Variants in PCSK5 observed in about 807,000 individuals in gnomAD.
PCSK5 encodes prohormone convertase 5.
A neutral mutation model predicts 233.2 loss-of-function variants in PCSK5; 129 were observed. The observed-to-expected ratio is 0.55, with a 90% CI of 0.48 to 0.64. PCSK5 has a LOEUF of 0.64. PCSK5 is among the 30% of genes least tolerant of loss of function. The probability of loss-of-function intolerance (pLI) is 0.00; values close to 1 mark genes in which losing one functional copy is unlikely to be tolerated. For synonymous variants in PCSK5, 825 were observed against 879.2 expected, an observed-to-expected ratio of 0.94 and a Z score of 1.09; for missense variants, 2,076 against 2,430.1, an observed-to-expected ratio of 0.85 and a Z score of 3.06.
At chr9:75,905,470 T>C (rs945318223) in intron 1 of PCSK5, among the ~76,000 whole-genome samples, 47 of 152,222 alleles carry the variant, frequency 3.1e-4, no homozygotes, top group Non-Finnish European at 4.6e-4. Flanking sequence ...GTAAGCGTAA[T>C]GGTGCCACTG....
intron 2 of PCSK5, among the ~76,000 whole-genome samples, chr9:75,959,788 A>C (rs1825261991): frequency 6.6e-6 from 1 of 152,224 alleles, no homozygotes; most frequent in African/African-American, 2.4e-5. Flanking sequence ...TATTTATTGG[A>C]TACTCACCAT....
intron 5 of PCSK5, among the ~76,000 whole-genome samples, chr9:76,052,309 C>T (rs561044027): frequency 7.2e-5 from 11 of 152,142 alleles, no homozygotes; most frequent in African/African-American, 2.4e-4. Context: ...CTCACGCTGC[C>T]AATAAAGACA....
chr9:76,239,064 A>G lies in PCSK5; in HGVS notation c.2972A>G (p.Asn991Ser). The change falls in exon 23 of 38, where the codon AAC becomes AGC. Residue 991 changes from asparagine (N) to serine (S), a missense_variant. Physicochemically the swap from Asn to Ser is conservative, Grantham distance 46. Around this residue, in one of 6 missense-constraint regions of PCSK5, gnomAD observed 1,510 missense variants for 1,538.1 expected, o/e 0.98. Transcript: ENST00000674117. ...AACACCTGCCTGCCCTGCCCAGACA[A>G]CTGTGAGCTTTGCCACAGCGTGCAT... ...EGNTCLPCPD[N>S]CELCHSVHVC... is the part of the protein sequence containing the mutation. 1 of 1,611,380 alleles carries G rather than the reference A, an allele frequency of 6.2e-7. No homozygotes were observed. The highest frequency in any genetic ancestry group is 8.5e-7 in the Non-Finnish European group (1 of 1,179,320).
At chr9:76,141,015 C>T (rs902475034) in intron 10 of PCSK5, among the ~76,000 whole-genome samples, 4 of 152,244 alleles carry the variant, frequency 2.6e-5, no homozygotes, top group African/African-American at 9.6e-5. Context: ...ACTCTTCTTT[C>T]AGCACATGAC....
At chr9:76,325,626 A>G (rs931161752) in intron 32 of PCSK5, among the ~76,000 whole-genome samples, 1 of 149,008 alleles carries the variant, frequency 6.7e-6, no homozygotes. Flanking sequence ...GTGTCTCCCT[A>G]CAATGACATT....
chr9:75,909,813 G>C (rs569762524), intron 1 of PCSK5, among the ~76,000 whole-genome samples: 1 of 152,312 alleles, frequency 6.6e-6, no homozygotes, highest in Non-Finnish European at 1.5e-5. Flanking sequence ...GAATGTTTCT[G>C]GTTCTCTCCC....
intron 10 of PCSK5, among the ~76,000 whole-genome samples, chr9:76,141,190 T>C (rs985343299): frequency 6.6e-6 from 1 of 152,124 alleles, no homozygotes; most frequent in African/African-American, 2.4e-5. Context: ...TATAACTGGA[T>C]TCTGAATCCA....
At chr9:75,971,514 CT>C (rs1472550030) in intron 2 of PCSK5, among the ~76,000 whole-genome samples, 9 of 152,208 alleles carry the variant, frequency 5.9e-5, no homozygotes, top group Non-Finnish European at 1.3e-4. Flanking sequence ...GCTACACTGT[CT>C]TCCACAATGG....
intron 2 of PCSK5, among the ~76,000 whole-genome samples, chr9:75,935,413 T>G (rs903286310): frequency 3.9e-5 from 6 of 152,224 alleles, no homozygotes; most frequent in African/African-American, 7.2e-5. Context: ...ATATACATTT[T>G]CTGAACATTT....
intron 3 of PCSK5, among the ~76,000 whole-genome samples, chr9:75,987,069 T>G (rs1044240198): frequency 1.3e-5 from 2 of 152,330 alleles, no homozygotes; most frequent in African/African-American, 4.8e-5. Flanking sequence ...CTACTTTAGT[T>G]TTTGTATTCC....
intron 3 of PCSK5, 50 bp downstream of exon 3, chr9:75,986,295 G>T (rs1297564972): frequency 9.6e-7 from 1 of 1,042,408 alleles, no homozygotes. Context: ...CCGGTTTTGT[G>T]TTGTATGCAG....
intron 2 of PCSK5, among the ~76,000 whole-genome samples, chr9:75,938,128 T>C (rs1824142167): frequency 6.6e-6 from 1 of 152,234 alleles, no homozygotes; most frequent in Admixed American, 6.5e-5. Context: ...GGTTTCTGCC[T>C]ATGCTGGCTT....
intron 25 of PCSK5, among the ~76,000 whole-genome samples, chr9:76,294,077 G>A (rs7026835): frequency 0.33 from 50,490 of 151,712 alleles, 9,207 homozygotes; most frequent in African/African-American, 0.48. Context: ...TGCATCTGTA[G>A]TTCCAGCTAC....
At chr9:76,232,995 T>C in intron 21 of PCSK5, among the ~76,000 whole-genome samples, 1 of 152,158 alleles carries the variant, frequency 6.6e-6, no homozygotes, top group Non-Finnish European at 1.5e-5. Context: ...TACAAAGCAG[T>C]GTTTTGTTTC....
chr9:76,075,789 G>A (rs1830623502), intron 7 of PCSK5, among the ~76,000 whole-genome samples: 1 of 152,116 alleles, frequency 6.6e-6, no homozygotes, highest in South Asian at 2.1e-4. Context: ...CTGGCCTATT[G>A]GGGTTTATCA....
At chr9:76,296,387 A>C (rs1174538266) in intron 26 of PCSK5, among the ~76,000 whole-genome samples, 1 of 152,160 alleles carries the variant, frequency 6.6e-6, no homozygotes, top group Non-Finnish European at 1.5e-5. Flanking sequence ...TCTCTACTAA[A>C]AATATATAAG....
At chr9:76,106,479 C>G (rs1449903168) in intron 8 of PCSK5, among the ~76,000 whole-genome samples, 1 of 152,124 alleles carries the variant, frequency 6.6e-6, no homozygotes, top group East Asian at 1.9e-4. Context: ...TAATATTATT[C>G]CGTCACAGCT....
At chr9:76,310,891 C>T (rs776401452) in intron 30 of PCSK5, 40 bp downstream of exon 30, 1 of 1,330,324 alleles carries the variant, frequency 7.5e-7, no homozygotes, top group South Asian at 1.4e-5. Context: ...CTTGTAATCA[C>T]TCTCCTCTGG....
chr9:76,064,157 G>T (rs1328194596), intron 5 of PCSK5, among the ~76,000 whole-genome samples: 1 of 120,012 alleles, frequency 8.3e-6, no homozygotes. Flanking sequence ...CCTCCCTCCC[G>T]GACGGGGCGG....
Sources: allele counts gnomAD v4.1 joint callset (sites outside exome capture counted in the v4.1 genomes callset), GRCh38; gene constraint gnomAD v4.1.1; regional missense constraint gnomAD v4.1.1; transcripts MANE v1.5; gene names NCBI Gene and HGNC (gene_info 2026-07-23, HGNC 2026-07-21).